IFT80: variants seen among roughly 807,000 people sequenced by gnomAD.
IFT80 encodes the protein intraflagellar transport protein 80 homolog.
In IFT80, 79 loss-of-function variants were observed where a neutral mutation model predicts 107.9. The observed-to-expected ratio is 0.73, with a 90% CI of 0.61 to 0.88. IFT80 has a LOEUF of 0.88. Among genes scored for constraint, IFT80 ranks in the 40% least tolerant of loss-of-function variants. The pLI is 0.00. For synonymous variants in IFT80, 299 were observed against 300.9 expected (o/e 0.99, Z 0.07); for missense variants, 797 against 914.2 (o/e 0.87, Z 1.65).
At chr3:160,337,582 C>G (rs1396770903) in intron 8 of IFT80, among the ~76,000 whole-genome samples, 1 of 152,126 alleles carries the variant, frequency 6.6e-6, no homozygotes, top group East Asian at 1.9e-4. Context: ...TGAGATCGTG[C>G]CACTGTACTC....
At chr3:160,306,446 T>C (rs376986551) in intron 10 of IFT80, among the ~76,000 whole-genome samples, 23 of 152,274 alleles carry the variant, frequency 1.5e-4, no homozygotes, top group African/African-American at 5.5e-4. Flanking sequence ...AATTAATTAT[T>C]CAAACATCTA....
intron 9 of IFT80, among the ~76,000 whole-genome samples, chr3:160,313,422 T>C (rs1233516755): frequency 6.6e-6 from 1 of 151,870 alleles, no homozygotes; most frequent in African/African-American, 2.4e-5. Context: ...TATAGATAGA[T>C]TTCTTAAGAT....
chr3:160,277,025 T>C (rs1005979456), intron 18 of IFT80, among the ~76,000 whole-genome samples: 11 of 152,200 alleles, frequency 7.2e-5, no homozygotes, highest in African/African-American at 2.7e-4. Context: ...ATATCTTCCC[T>C]ATCAAATCTG....
Position 160,311,375 on chromosome 3 carries a change from AT to A in IFT80, c.958-3595del, listed in dbSNP as rs1268503453. ...ACTAGAAAAATATATTTAGAAAATA[AT>A]TGGAGAAATGTGATCTGTTACTGTA... On this transcript the variant is annotated intron_variant, in intron 9 of 19. Transcript: ENST00000326448. 2.6e-5 allele frequency among the ~76,000 whole-genome samples: 4 copies of A among 152,236 alleles called. No homozygotes were observed. The South Asian group carries it at 6.2e-4, about 24-fold the overall frequency.
chr3:160,284,878 A>G (rs1032968858), intron 13 of IFT80, among the ~76,000 whole-genome samples: 1 of 152,086 alleles, frequency 6.6e-6, no homozygotes, highest in Admixed American at 6.5e-5. Flanking sequence ...TTGTTGATAC[A>G]TACACTAAAA....
intron 5 of IFT80, among the ~76,000 whole-genome samples, chr3:160,368,001 A>G (rs1479494630): frequency 6.6e-6 from 1 of 151,956 alleles, no homozygotes; most frequent in Admixed American, 6.6e-5. Flanking sequence ...ACCATCTTTT[A>G]AAAATTGTCT....
chr3:160,360,596 C>T, intron 6 of IFT80, among the ~76,000 whole-genome samples: 1 of 152,230 alleles, frequency 6.6e-6, no homozygotes, highest in East Asian at 1.9e-4. Context: ...ATGTTAACGG[C>T]AGCCAGAAAG....
chr3:160,395,284 T>C (rs1252705922), intron 1 of IFT80, among the ~76,000 whole-genome samples: 18 of 152,192 alleles, frequency 1.2e-4, no homozygotes, highest in African/African-American at 3.9e-4. Flanking sequence ...AGGCTAATAA[T>C]ACCTACCTGA....
At chr3:160,261,200 A>G (rs1189655474) in intron 19 of IFT80, among the ~76,000 whole-genome samples, 1 of 152,048 alleles carries the variant, frequency 6.6e-6, no homozygotes, top group Non-Finnish European at 1.5e-5. Flanking sequence ...CCTGTCCACT[A>G]TAATTCTGAT....
rs1711973722 is a variant in IFT80, at chr3:160,375,872, C to A, written c.379G>T (p.Asp127Tyr). ...EGTALVTVGEDGQIKIWSKTG... is the reference protein window; with the variant it reads ...EGTALVTVGEYGQIKIWSKTG... Reference sequence around the variant, plus strand: ...TTTGACCAAATTTTTATTTGTCCATCTTCTCCAACTATACAGGGAAAAAAA... The same window carrying A: ...TTTGACCAAATTTTTATTTGTCCATATTCTCCAACTATACAGGGAAAAAAA... The change falls in exon 5 of 20, where the codon GAT becomes TAT. Residue 127 changes from aspartate (D) to tyrosine (Y), a missense_variant. Physicochemically the swap from Asp to Tyr is radical, Grantham distance 160 (BLOSUM62 -3). Transcript: ENST00000326448. 6.2e-7 allele frequency: 1 copy of A among 1,604,596 alleles called. No homozygotes were observed. Among genetic ancestry groups the A allele is most frequent in the Non-Finnish European group, 8.5e-7 (1 of 1,172,094 alleles).
In IFT80 at chr3:160,326,364, T is replaced by C. The variant is rs143610196; in HGVS notation, c.778-6425A>G. Among the ~76,000 whole-genome samples the C allele has an allele frequency of 4.5e-4, 68 of 151,988 alleles. No homozygotes were observed. In the East Asian group the frequency reaches 8.7e-3, roughly 19 times the overall value. ...TCCTGATACCAAAACCTGGCAGAGA[T>C]ACAACAAAAAAAGAAAACTTCAGGC... On this transcript the variant is annotated intron_variant, in intron 8 of 19. Transcript: ENST00000326448.
chr3:160,352,503 C>T (rs1334594227), intron 8 of IFT80, among the ~76,000 whole-genome samples: 1 of 152,128 alleles, frequency 6.6e-6, no homozygotes, highest in Non-Finnish European at 1.5e-5. Context: ...GAATATCAAG[C>T]ATCTCACTAA....
In IFT80 at chr3:160,395,480, T is replaced by C. The variant is rs557281226; in HGVS notation, c.-47+3666A>G. Among the ~76,000 whole-genome samples, 18 of 152,362 alleles carry C rather than the reference T, an allele frequency of 1.2e-4. No individual in the cohort carries two copies. The South Asian group carries it at 3.5e-3, about 30-fold the overall frequency. ...CTTTGCAACAACCACTTCCTCACTG[T>C]TAGCCCATGTGGCATGAGGCCCAGA... is the stretch of plus-strand genomic sequence containing the variant. On this transcript the variant is annotated intron_variant, in intron 1 of 19. Transcript: ENST00000326448.
intron 8 of IFT80, among the ~76,000 whole-genome samples, chr3:160,331,794 G>C (rs1719106645): frequency 6.6e-6 from 1 of 151,994 alleles, no homozygotes; most frequent in African/African-American, 2.4e-5. Flanking sequence ...TGAGTAGCTG[G>C]AACCACAGGT....
chr3:160,369,293 CAAAT>C (rs552611895), intron 5 of IFT80, among the ~76,000 whole-genome samples: 51 of 151,720 alleles, frequency 3.4e-4, no homozygotes, highest in Non-Finnish European at 6.5e-4. Flanking sequence ...GCAATGGAAA[CAAAT>C]AAATTATTTA....
intron 19 of IFT80, among the ~76,000 whole-genome samples, chr3:160,260,642 C>A (rs1445085547): frequency 1.3e-5 from 2 of 152,068 alleles, no homozygotes; most frequent in South Asian, 4.2e-4. Flanking sequence ...TAATTTAGTT[C>A]GTGGATTAGA....
At chr3:160,389,564 A>G (rs941055804) in intron 1 of IFT80, among the ~76,000 whole-genome samples, 2 of 140,712 alleles carry the variant, frequency 1.4e-5, no homozygotes, top group Admixed American at 7.8e-5. Context: ...CCCACCTATG[A>G]GTGAGAATAT....
At chr3:160,291,744 T>C (rs531052075) in intron 12 of IFT80, among the ~76,000 whole-genome samples, 72 of 152,302 alleles carry the variant, frequency 4.7e-4, no homozygotes, top group African/African-American at 1.6e-3. Context: ...CATGCCCATA[T>C]AGGGTACAGC....
intron 9 of IFT80, among the ~76,000 whole-genome samples, chr3:160,312,372 A>C (rs565322248): frequency 5.0e-4 from 75 of 151,078 alleles, no homozygotes; most frequent in African/African-American, 1.8e-3. Flanking sequence ...CTCTGATTTC[A>C]AACAGACACT....
Sources: allele counts gnomAD v4.1 joint callset (sites outside exome capture counted in the v4.1 genomes callset), GRCh38; gene constraint gnomAD v4.1.1; transcripts MANE v1.5; gene names NCBI Gene and HGNC (gene_info 2026-07-23, HGNC 2026-07-21).